SORCS2: variants seen among roughly 807,000 people sequenced by gnomAD.
The protein encoded by SORCS2 is VPS10 domain-containing receptor SorCS2.
SORCS2 carries 100 observed loss-of-function variants against 141.6 expected under a neutral mutation model. That is an observed-to-expected ratio of 0.71 (90% CI 0.60 to 0.83). The LOEUF (loss-of-function observed/expected upper bound fraction) is 0.83. Ranked by LOEUF, SORCS2 falls within the 40% of genes least tolerant of loss-of-function variation. The pLI, the probability that SORCS2 is intolerant of heterozygous loss-of-function variation, is 0.00. For synonymous variants in SORCS2, 789 were observed against 676.9 expected, an observed-to-expected ratio of 1.17 and a Z score of -2.57; for missense variants, 1,646 against 1,560.2, an observed-to-expected ratio of 1.05 and a Z score of -0.93.
chr4:7,535,871 G>A (rs1329729539), intron 3 of SORCS2, among the ~76,000 whole-genome samples: 1 of 152,254 alleles, frequency 6.6e-6, no homozygotes, highest in East Asian at 1.9e-4. Context: ...CCTCAGGCCC[G>A]GGTCAGGCTG....
chr4:7,381,880 C>T, intron 1 of SORCS2: 4 of 985,628 alleles, frequency 4.1e-6, no homozygotes, highest in Non-Finnish European at 4.8e-6. Context: ...GTGGGGCAGG[C>T]CACAGCCTTC....
rs1427625508 is a variant in SORCS2, at chr4:7,193,160, A to T, written c.480+34A>T. ...CCTCCACGCGCTCGCCGCGGCCCCT[A>T]CCCGGGACACCGCGGGACACCCGGG... On this transcript the variant is annotated intron_variant, in intron 1 of 26. Transcript: ENST00000507866. The surrounding 1 kb of genome is among the most constrained non-coding windows in gnomAD (Gnocchi z 4.8). The T allele has an allele frequency of 6.8e-7, 1 of 1,468,540 alleles. No homozygotes were observed. The highest frequency in any genetic ancestry group is 9.0e-7 in the Non-Finnish European group (1 of 1,115,676). The allele number at this position is 1,468,540 out of a possible 1,614,324, so 91.0% of individuals were successfully genotyped here.
intron 4 of SORCS2, among the ~76,000 whole-genome samples, chr4:7,640,396 G>A (rs1266585721): frequency 7.3e-6 from 1 of 136,704 alleles, no homozygotes; most frequent in African/African-American, 3.5e-5. Context: ...GTGGGTGTGT[G>A]AGTGTGTGTG....
Position 7,648,781 on chromosome 4 carries a change from T to C in SORCS2, c.814-5353T>C, listed in dbSNP as rs914759724. Among the ~76,000 whole-genome samples the C allele has an allele frequency of 6.6e-6, 1 of 151,492 alleles. No homozygotes were observed. Among genetic ancestry groups the C allele is most frequent in the African/African-American group, 2.4e-5 (1 of 41,196 alleles). On this transcript the variant is annotated intron_variant, in intron 4 of 26. Transcript: ENST00000507866. This position sits in a 1 kb window ranked among gnomAD's most constrained non-coding sequence, Gnocchi z 4.2. The stretch of plus-strand genomic sequence containing the variant: ...GCACCAGGGCGGCCCCGGGGAGCAA[T>C]GGGAGTGGACTGAGTGCCGTGGTAG...
chr4:7,340,151 A>C (rs1300058111), intron 1 of SORCS2, among the ~76,000 whole-genome samples: 1 of 152,242 alleles, frequency 6.6e-6, no homozygotes, highest in Non-Finnish European at 1.5e-5. Context: ...CAGGTTGACA[A>C]TGAGGCTGGG....
chr4:7,397,031 C>G (rs1724257752), intron 2 of SORCS2, among the ~76,000 whole-genome samples: 1 of 152,230 alleles, frequency 6.6e-6, no homozygotes, highest in Non-Finnish European at 1.5e-5. Flanking sequence ...GCAAAAGATT[C>G]TCTTTCTTCC....
At chr4:7,400,147 C>T (rs796701374) in intron 2 of SORCS2, among the ~76,000 whole-genome samples, 13 of 152,230 alleles carry the variant, frequency 8.5e-5, no homozygotes, top group African/African-American at 3.1e-4. Flanking sequence ...AAACCCCACC[C>T]CCGGCTCCTA....
chr4:7,677,701 A>T (rs1723253687), intron 9 of SORCS2, among the ~76,000 whole-genome samples: 1 of 152,222 alleles, frequency 6.6e-6, no homozygotes, highest in Admixed American at 6.5e-5. Context: ...CAGCAGCAGA[A>T]CTGTGGTCCC....
chr4:7,369,911 T>A (rs1560225029), intron 1 of SORCS2, among the ~76,000 whole-genome samples: 1 of 152,214 alleles, frequency 6.6e-6, no homozygotes, highest in Admixed American at 6.5e-5. Flanking sequence ...CCCCTCCCCA[T>A]GTTCCTGCCC....
chr4:7,457,359 C>T (rs1728980209), intron 2 of SORCS2, among the ~76,000 whole-genome samples: 1 of 152,242 alleles, frequency 6.6e-6, no homozygotes, highest in East Asian at 1.9e-4. Context: ...GACAACAGCA[C>T]CTGGGCCCCG....
At chr4:7,722,937 G>A (rs932900447) in intron 18 of SORCS2, among the ~76,000 whole-genome samples, 1 of 152,174 alleles carries the variant, frequency 6.6e-6, no homozygotes, top group Non-Finnish European at 1.5e-5. Context: ...TGGTGCCGGC[G>A]AGGGAGGAAG....
At chr4:7,539,671 A>AAGGTCCCGACCCCCGTTATGG (rs1553881092) in intron 3 of SORCS2, among the ~76,000 whole-genome samples, 1 of 74,908 alleles carries the variant, frequency 1.3e-5, no homozygotes, top group Non-Finnish European at 3.7e-5. Flanking sequence ...TCCCAGCTGC[A>AAGGTCCCGACCCCCGTTATGG]AGGCCCCGAC....
intron 2 of SORCS2, among the ~76,000 whole-genome samples, chr4:7,526,993 C>T (rs1733734394): frequency 6.6e-6 from 1 of 152,158 alleles, no homozygotes; most frequent in South Asian, 2.1e-4. Context: ...TTCATAGTCC[C>T]AGGGCATCTC....
At chr4:7,287,724 C>T (rs777113748) in intron 1 of SORCS2, among the ~76,000 whole-genome samples, 4 of 152,158 alleles carry the variant, frequency 2.6e-5, no homozygotes, top group Non-Finnish European at 5.9e-5. Context: ...GAGAACAGCC[C>T]AGCTCCTTAG....
At chr4:7,621,014 C>CG (rs200150236) in intron 3 of SORCS2, among the ~76,000 whole-genome samples, 3 of 152,032 alleles carry the variant, frequency 2.0e-5, no homozygotes, top group Admixed American at 6.5e-5. Flanking sequence ...CTGGCAGGCA[C>CG]GGGGGGGTTG....
At chr4:7,595,877 G>A (rs896062764) in intron 3 of SORCS2, among the ~76,000 whole-genome samples, 12 of 152,196 alleles carry the variant, frequency 7.9e-5, no homozygotes, top group African/African-American at 2.2e-4. Context: ...GGACAAGCCC[G>A]ACGCGGACTC....
chr4:7,670,986 C>T (rs1722765981), intron 8 of SORCS2, among the ~76,000 whole-genome samples: 1 of 152,220 alleles, frequency 6.6e-6, no homozygotes, highest in Non-Finnish European at 1.5e-5. Context: ...GCCTATTTTC[C>T]TCTCTTTTAT....
intron 1 of SORCS2, among the ~76,000 whole-genome samples, chr4:7,294,685 TC>T (rs1380263933): frequency 1.1e-4 from 4 of 36,078 alleles, no homozygotes; most frequent in African/African-American, 3.8e-4. Context: ...CTCCTCCTCC[TC>T]CCCCTCATCC....
chr4:7,718,988 T>C (rs1258358242), intron 18 of SORCS2, among the ~76,000 whole-genome samples: 2 of 152,352 alleles, frequency 1.3e-5, no homozygotes, highest in Admixed American at 6.5e-5. Flanking sequence ...CTTACAAGCA[T>C]TGCAGAAAAT....
Sources: gnomAD v4.1 joint callset for allele counts (sites outside exome capture counted in the v4.1 genomes callset) on GRCh38, gnomAD v4.1.1 for gene constraint, Gnocchi (gnomAD v3.1) non-coding constraint, MANE v1.5 for transcripts, NCBI Gene and HGNC (gene_info 2026-07-23, HGNC 2026-07-21) for gene names.